The following PDZD2 variants were observed in gnomAD, a reference collection of about 807,000 sequenced individuals.
PDZD2 encodes PDZ domain-containing protein 2.
In PDZD2, 90 loss-of-function variants were observed where a neutral mutation model predicts 220.7. The ratio of observed to expected loss-of-function variants is 0.41; its 90% CI spans 0.34 to 0.49. The LOEUF (loss-of-function observed/expected upper bound fraction) is 0.49. Among genes scored for constraint, PDZD2 ranks in the 20% least tolerant of loss-of-function variants. The pLI is 0.28. For synonymous variants in PDZD2, 1,375 were observed against 1,450.5 expected (o/e 0.95, Z 1.18); for missense variants, 3,174 against 3,608.5 (o/e 0.88, Z 3.08).
At chr5:32,022,251 G>A (rs145633910) in intron 6 of PDZD2, among the ~76,000 whole-genome samples, 2,761 of 144,498 alleles carry the variant, frequency 0.019, 45 homozygotes, top group Non-Finnish European at 0.029. Flanking sequence ...AGGCTGGAGT[G>A]CAGTGGCATG....
At position 31,929,151 on chromosome 5, in the gene PDZD2, T is replaced by A. The variant is rs144560320; in HGVS notation, c.477-54004T>A. Among the ~76,000 whole-genome samples the A allele has an allele frequency of 7.9e-3, 1,205 of 152,248 alleles. 5 individuals carry two copies. Among genetic ancestry groups the A allele is most frequent in the Non-Finnish European group, 0.012 (786 of 68,014 alleles). On this transcript the variant is annotated intron_variant, in intron 2 of 24. Coordinates refer to ENST00000438447, the MANE Select transcript of PDZD2 (RefSeq NM_178140.4). ...GTGCTCAGCGTCGTGGAGTTTTGAA[T>A]CTGAATGCTTTAGAAAGGGCATGTT... is the stretch of plus-strand genomic sequence containing the variant.
At chr5:31,662,543 G>T (rs1745808371) in intron 1 of PDZD2, among the ~76,000 whole-genome samples, 3 of 152,194 alleles carry the variant, frequency 2.0e-5, no homozygotes, top group Non-Finnish European at 4.4e-5. Flanking sequence ...CAGCAGATTT[G>T]GAGTCTGGGA....
At chr5:31,832,614 G>C (rs1377031851) in intron 2 of PDZD2, 2 of 152,182 alleles carry the variant, frequency 1.3e-5, no homozygotes, top group Admixed American at 6.5e-5. Context: ...TGAGGAATTT[G>C]AGACCAGTCT....
At chr5:31,936,555 G>A (rs1745743611) in intron 2 of PDZD2, among the ~76,000 whole-genome samples, 1 of 149,768 alleles carries the variant, frequency 6.7e-6, no homozygotes. Context: ...GTTTTATTCT[G>A]AGAGTTGCTT....
chr5:32,057,519 A>G (rs1739202592), intron 10 of PDZD2, 136 bp from the exon 11 acceptor site: 1 of 628,560 alleles, frequency 1.6e-6, no homozygotes, highest in South Asian at 2.1e-5. Context: ...CCTGGGAGCT[A>G]AGCTAAACAA....
chr5:31,877,780 C>A (rs956138203), intron 2 of PDZD2, among the ~76,000 whole-genome samples: 1 of 152,166 alleles, frequency 6.6e-6, no homozygotes, highest in Non-Finnish European at 1.5e-5. Context: ...ACCTCTCCCT[C>A]CCGGGTTCAA....
At chr5:31,950,181 A>G (rs1489446693) in intron 2 of PDZD2, among the ~76,000 whole-genome samples, 1 of 152,192 alleles carries the variant, frequency 6.6e-6, no homozygotes, top group Non-Finnish European at 1.5e-5. Flanking sequence ...GCCTGAAACT[A>G]TGTAGACTTG....
At chr5:31,781,581 C>T (rs1364331026) in intron 1 of PDZD2, among the ~76,000 whole-genome samples, 1 of 152,194 alleles carries the variant, frequency 6.6e-6, no homozygotes, top group Non-Finnish European at 1.5e-5. Flanking sequence ...TAAATTCATT[C>T]AAATAAAGTC....
At chr5:31,857,509 A>T (rs2150307760) in intron 2 of PDZD2, among the ~76,000 whole-genome samples, 1 of 152,302 alleles carries the variant, frequency 6.6e-6, no homozygotes, top group African/African-American at 2.4e-5. Flanking sequence ...ATGGAGTAGG[A>T]ACTCTAGGTT....
At chr5:32,062,111 T>G (rs1739748030) in intron 14 of PDZD2, among the ~76,000 whole-genome samples, 1 of 152,208 alleles carries the variant, frequency 6.6e-6, no homozygotes, top group Non-Finnish European at 1.5e-5. Context: ...TGGAGGAATG[T>G]TTCCTTCTTA....
At chr5:31,744,567 T>A (rs1461327354) in intron 1 of PDZD2, 1 of 152,148 alleles carries the variant, frequency 6.6e-6, no homozygotes, top group African/African-American at 2.4e-5. Context: ...ATTAGCTCGA[T>A]TTGAATTCTG....
chr5:31,657,590 T>C (rs1745599721), intron 1 of PDZD2, among the ~76,000 whole-genome samples: 1 of 152,178 alleles, frequency 6.6e-6, no homozygotes, highest in Non-Finnish European at 1.5e-5. Flanking sequence ...GGGGCTCAAG[T>C]GAAGGTCCTG....
intron 14 of PDZD2, among the ~76,000 whole-genome samples, chr5:32,062,170 A>T (rs866760879): frequency 3.2e-4 from 49 of 152,368 alleles, no homozygotes; most frequent in Middle Eastern, 6.8e-3. Flanking sequence ...ATCTTATCAA[A>T]TGATTATCTT....
intron 10 of PDZD2, among the ~76,000 whole-genome samples, chr5:32,057,040 G>A (rs1739150742): frequency 6.6e-6 from 1 of 152,130 alleles, no homozygotes; most frequent in African/African-American, 2.4e-5. Context: ...GTTGTAGTGA[G>A]CTGAGGTCAC....
At chr5:31,905,159 TTAG>T (rs1365769015) in intron 2 of PDZD2, among the ~76,000 whole-genome samples, 1 of 152,092 alleles carries the variant, frequency 6.6e-6, no homozygotes, top group Admixed American at 6.6e-5. Context: ...TTTTTCTTTC[TTAG>T]TAGAGAGGAG....
At chr5:31,961,326 G>A (rs953889482) in intron 2 of PDZD2, among the ~76,000 whole-genome samples, 77 of 144,018 alleles carry the variant, frequency 5.3e-4, no homozygotes, top group Non-Finnish European at 7.2e-4. Flanking sequence ...GAGACCAGGC[G>A]TTTGAGGGCA....
In PDZD2 at chr5:31,751,227, G is replaced by C. The variant is rs904104687; in HGVS notation, c.-360-47662G>C. 6.0e-5 allele frequency among the ~76,000 whole-genome samples: 8 copies of C among 134,242 alleles called. No homozygotes were observed. The Admixed American group carries it at 7.0e-4, about 12-fold the overall frequency. 88.1% of individuals were successfully genotyped at this position (134,242 alleles called of 152,430 possible). A position where few individuals can be genotyped will look rare whatever the true frequency, so the allele number is the denominator to read the frequency against. On this transcript the variant is annotated intron_variant, in intron 1 of 24. Transcript: ENST00000438447. The stretch of plus-strand genomic sequence containing the variant: ...TTGCACTCCGGCCTGGGTGACAAGA[G>C]CGAAAGTACATCTCCAAAAAAAAAA...
At chr5:31,691,172 C>T (rs1393797675) in intron 1 of PDZD2, among the ~76,000 whole-genome samples, 4 of 152,058 alleles carry the variant, frequency 2.6e-5, no homozygotes, top group Non-Finnish European at 4.4e-5. Context: ...CTGGTGGGTT[C>T]GTGGTGTCGC....
chr5:31,812,064 C>T (rs962825691), intron 2 of PDZD2, among the ~76,000 whole-genome samples: 5 of 151,836 alleles, frequency 3.3e-5, no homozygotes, highest in African/African-American at 1.2e-4. Flanking sequence ...AAGTACATGT[C>T]TCTGTTAAAT....
Sources: gnomAD v4.1 joint callset for allele counts (sites outside exome capture counted in the v4.1 genomes callset) on GRCh38, gnomAD v4.1.1 for gene constraint, MANE v1.5 for transcripts, NCBI Gene and HGNC (gene_info 2026-07-23, HGNC 2026-07-21) for gene names.